WDR49: variants seen among roughly 807,000 people sequenced by gnomAD.
WDR49 encodes WD repeat domain 49.
In WDR49, 107 loss-of-function variants were observed where a neutral mutation model predicts 119.5. The observed-to-expected ratio is 0.90, with a 90% CI of 0.77 to 1.05. The LOEUF (loss-of-function observed/expected upper bound fraction) is 1.05, where lower values mean the gene tolerates loss of function less well. WDR49 is among the 50% of genes least tolerant of loss of function. The pLI is 0.00. For synonymous variants in WDR49, 425 were observed against 418.8 expected (o/e 1.01, Z -0.18); for missense variants, 1,240 against 1,220.5 (o/e 1.02, Z -0.24).
intron 8 of WDR49, among the ~76,000 whole-genome samples, chr3:167,573,667 A>C (rs1175211435): frequency 1.3e-5 from 2 of 152,292 alleles, no homozygotes; most frequent in South Asian, 2.1e-4. Flanking sequence ...TTGACCTCCC[A>C]GATTCCCTGA....
intron 10 of WDR49, among the ~76,000 whole-genome samples, chr3:167,547,893 C>G (rs1577231595): frequency 6.6e-6 from 1 of 151,946 alleles, no homozygotes; most frequent in South Asian, 2.1e-4. Context: ...ATGGCTTTAA[C>G]ATTTGAAGAA....
chr3:167,628,623 T>C (rs1225172566), intron 2 of WDR49, among the ~76,000 whole-genome samples: 1 of 152,090 alleles, frequency 6.6e-6, no homozygotes, highest in Non-Finnish European at 1.5e-5. Flanking sequence ...CAGAGATTGA[T>C]TCATGAGGTT....
At chr3:167,644,902 A>G (rs758115642) in intron 2 of WDR49, among the ~76,000 whole-genome samples, 1 of 152,128 alleles carries the variant, frequency 6.6e-6, no homozygotes, top group Non-Finnish European at 1.5e-5. Flanking sequence ...TAGAGTATCA[A>G]ATCAAATTCT....
intron 16 of WDR49, among the ~76,000 whole-genome samples, chr3:167,506,401 G>T (rs558023111): frequency 6.6e-6 from 1 of 152,150 alleles, no homozygotes; most frequent in Admixed American, 6.5e-5. Flanking sequence ...TTCATTTCCA[G>T]CTTTCTTTTT....
At chr3:167,544,428 T>C (rs1323753015) in intron 10 of WDR49, among the ~76,000 whole-genome samples, 3 of 151,934 alleles carry the variant, frequency 2.0e-5, no homozygotes, top group Non-Finnish European at 4.4e-5. Context: ...TACAAGGCTA[T>C]AGTTACCAAA....
At chr3:167,625,537 A>T (rs567275652) in intron 3 of WDR49, among the ~76,000 whole-genome samples, 133 of 152,186 alleles carry the variant, frequency 8.7e-4, no homozygotes, top group Non-Finnish European at 1.6e-3. Context: ...TGAAAAATTA[A>T]TGGGTTTATT....
intron 2 of WDR49, among the ~76,000 whole-genome samples, chr3:167,628,724 T>C (rs1217224120): frequency 6.6e-6 from 1 of 152,144 alleles, no homozygotes; most frequent in East Asian, 1.9e-4. Flanking sequence ...CTATAATCTC[T>C]AGCTAAGATA....
At chr3:167,487,897 A>G (rs567409946) in intron 18 of WDR49, among the ~76,000 whole-genome samples, 2 of 152,192 alleles carry the variant, frequency 1.3e-5, no homozygotes, top group South Asian at 2.1e-4. Flanking sequence ...GGCTGTGCAG[A>G]AAAGGGAAGG....
At chr3:167,518,024 A>G (rs1208848904) in intron 16 of WDR49, among the ~76,000 whole-genome samples, 2 of 151,888 alleles carry the variant, frequency 1.3e-5, no homozygotes, top group South Asian at 2.1e-4. Context: ...GAGAATGATG[A>G]TTTCCAGTTT....
At chr3:167,559,068 C>A (rs1713111146) in intron 9 of WDR49, among the ~76,000 whole-genome samples, 1 of 152,204 alleles carries the variant, frequency 6.6e-6, no homozygotes, top group East Asian at 1.9e-4. Flanking sequence ...TCTCATAGGC[C>A]AACTTCTACT....
At position 167,537,010 on chromosome 3, in the gene WDR49, AG is replaced by A; in HGVS notation, c.1824-11del. Reference sequence around the variant, plus strand: ...AAACACAGTAATAGCCCTAGCAAAAAGGATATAGAATTTAGCTGTGGATCTA... The same window carrying A: ...AAACACAGTAATAGCCCTAGCAAAAAGATATAGAATTTAGCTGTGGATCTA... On this transcript the variant is annotated splice_polypyrimidine_tract_variant and intron_variant, in intron 10 of 18. Coordinates refer to ENST00000682715, the MANE Select transcript of WDR49 (RefSeq NM_001366157.1). 6.4e-7 allele frequency: 1 copy of A among 1,566,908 alleles called. No individual in the cohort carries two copies. Among genetic ancestry groups the A allele is most frequent in the Non-Finnish European group, 8.6e-7 (1 of 1,158,998 alleles).
intron 7 of WDR49, among the ~76,000 whole-genome samples, chr3:167,585,759 A>G: frequency 6.6e-6 from 1 of 151,996 alleles, no homozygotes; most frequent in East Asian, 1.9e-4. Context: ...TTATTATAAT[A>G]CATTATTATG....
rs1332329449 is a variant in WDR49 at position 167,505,388 on chromosome 3, C to A, written c.2803G>T (p.Asp935Tyr). Residue 935 changes from aspartate to tyrosine, a missense_variant, in exon 17 of 19, where the codon GAT (aspartate) becomes TAT (tyrosine). Asp to Tyr is a radical substitution (Grantham distance 160). Coordinates refer to ENST00000682715, the MANE Select transcript of WDR49 (RefSeq NM_001366157.1). ...NVRPSEDINLDIKYKERSTCM... is the reference protein window; with the variant it reads ...NVRPSEDINLYIKYKERSTCM... ...GTACTTCTTTCCTTATATTTTATAT[C>A]TAAATTTATATCTTCTGATGGTCTG... 4.6e-6 allele frequency: 7 copies of A among 1,519,960 alleles called. No homozygotes were observed. Among genetic ancestry groups the A allele is most frequent in the African/African-American group, 1.4e-5 (1 of 69,912 alleles). The allele number at this position is 1,519,960 out of a possible 1,614,324, so 94.2% of individuals were successfully genotyped here.
At chr3:167,624,588 G>T (rs1196716223) in intron 3 of WDR49, among the ~76,000 whole-genome samples, 1 of 151,604 alleles carries the variant, frequency 6.6e-6, no homozygotes, top group Non-Finnish European at 1.5e-5. Flanking sequence ...TATCAGCTTG[G>T]GACACTTTCA....
At chr3:167,542,985 T>C (rs1026785791) in intron 10 of WDR49, among the ~76,000 whole-genome samples, 2 of 151,870 alleles carry the variant, frequency 1.3e-5, no homozygotes, top group Non-Finnish European at 2.9e-5. Context: ...CACAGAAATA[T>C]GAAAGATCAT....
intron 7 of WDR49, among the ~76,000 whole-genome samples, chr3:167,592,574 A>G (rs1242522229): frequency 1.3e-5 from 2 of 151,682 alleles, no homozygotes; most frequent in African/African-American, 4.8e-5. Context: ...AGCTGGGACT[A>G]CAGGTGCACA....
At chr3:167,611,117 A>G (rs1170974167) in intron 5 of WDR49, among the ~76,000 whole-genome samples, 1 of 152,212 alleles carries the variant, frequency 6.6e-6, no homozygotes, top group East Asian at 1.9e-4. Flanking sequence ...TGAACCAATC[A>G]ATACTAATAA....
intron 16 of WDR49, among the ~76,000 whole-genome samples, chr3:167,521,279 G>A (rs1440303147): frequency 2.0e-5 from 3 of 152,114 alleles, no homozygotes; most frequent in Non-Finnish European, 4.4e-5. Context: ...TAGTCAAAGA[G>A]TTCATGAGTT....
chr3:167,507,623 C>T (rs1751823786), intron 16 of WDR49, among the ~76,000 whole-genome samples: 1 of 151,596 alleles, frequency 6.6e-6, no homozygotes, highest in Non-Finnish European at 1.5e-5. Flanking sequence ...TTTTTTTTTC[C>T]AAAACACTCT....
Sources: gnomAD v4.1 joint callset for allele counts (sites outside exome capture counted in the v4.1 genomes callset) on GRCh38, gnomAD v4.1.1 for gene constraint, MANE v1.5 for transcripts, NCBI Gene and HGNC (gene_info 2026-07-23, HGNC 2026-07-21) for gene names.